The following GPR149 variants were observed in gnomAD, a reference collection of about 807,000 sequenced individuals.
The protein encoded by GPR149 is probable G protein-coupled receptor 149.
Under a neutral mutation model 50.2 loss-of-function variants are expected in GPR149, and 50 were observed. The ratio of observed to expected loss-of-function variants is 1.00; its 90% CI spans 0.79 to 1.26. The LOEUF (loss-of-function observed/expected upper bound fraction) is 1.26, where lower values mean the gene tolerates loss of function less well. Ranked by LOEUF, GPR149 falls within the 50% of genes most tolerant of loss-of-function variation. GPR149 has a pLI of 0.00. For missense variants in GPR149, 983 were observed against 895.4 expected, an observed-to-expected ratio of 1.10 and a Z score of -1.25; for synonymous variants, 405 against 358.2, an observed-to-expected ratio of 1.13 and a Z score of -1.48.
chr3:154,367,336 TC>T (rs777111578), intron 3 of GPR149, among the ~76,000 whole-genome samples: 75 of 35,460 alleles, frequency 2.1e-3, no homozygotes, highest in Admixed American at 3.9e-3. Flanking sequence ...CTCTCTCCCT[TC>T]CCCCCCCCGA....
intron 3 of GPR149, among the ~76,000 whole-genome samples, chr3:154,365,341 G>A (rs557198727): frequency 6.6e-5 from 10 of 152,058 alleles, no homozygotes; most frequent in Non-Finnish European, 1.3e-4. Context: ...GGCCTGTGAT[G>A]GGAGTGGCAG....
At chr3:154,413,247 G>T (rs2108424982) in intron 3 of GPR149, among the ~76,000 whole-genome samples, 1 of 152,150 alleles carries the variant, frequency 6.6e-6, no homozygotes, top group African/African-American at 2.4e-5. Flanking sequence ...GTTAGGCAAA[G>T]TCTTAATGAC....
intron 3 of GPR149, among the ~76,000 whole-genome samples, chr3:154,339,423 C>T (rs529846987): frequency 3.1e-4 from 47 of 152,310 alleles, no homozygotes; most frequent in African/African-American, 8.9e-4. Context: ...GTAAAACCTA[C>T]AGTTACTAAC....
intron 3 of GPR149, among the ~76,000 whole-genome samples, chr3:154,408,293 G>A: frequency 6.6e-6 from 1 of 152,138 alleles, no homozygotes; most frequent in East Asian, 1.9e-4. Flanking sequence ...AAGAACTACT[G>A]CAGGAACATA....
intron 3 of GPR149, among the ~76,000 whole-genome samples, chr3:154,390,675 T>G (rs1171641111): frequency 6.6e-6 from 1 of 151,988 alleles, no homozygotes; most frequent in Admixed American, 6.6e-5. Flanking sequence ...AATGAAAACT[T>G]CCCAAATCTA....
chr3:154,343,263 AG>A (rs886235443), intron 3 of GPR149, among the ~76,000 whole-genome samples: 35 of 152,294 alleles, frequency 2.3e-4, no homozygotes, highest in Admixed American at 7.8e-4. Flanking sequence ...TCATAGAAAA[AG>A]GTTTGAGAGG....
chr3:154,409,613 A>G (rs1435532651), intron 3 of GPR149, among the ~76,000 whole-genome samples: 2 of 152,056 alleles, frequency 1.3e-5, no homozygotes, highest in African/African-American at 4.8e-5. Context: ...ATAGAATTGA[A>G]CAAGCAGAAG....
chr3:154,341,132 T>C (rs979380422), intron 3 of GPR149, among the ~76,000 whole-genome samples: 1 of 151,198 alleles, frequency 6.6e-6, no homozygotes, highest in Admixed American at 6.6e-5. Flanking sequence ...ACTGAAACAA[T>C]AGACCCAGGC....
At chr3:154,382,192 G>A (rs539188144) in intron 3 of GPR149, among the ~76,000 whole-genome samples, 1 of 152,314 alleles carries the variant, frequency 6.6e-6, no homozygotes, top group East Asian at 1.9e-4. Flanking sequence ...CATAGCTCAA[G>A]ATTCACCAGT....
chr3:154,408,450 C>G (rs1711752762), intron 3 of GPR149, among the ~76,000 whole-genome samples: 1 of 152,200 alleles, frequency 6.6e-6, no homozygotes, highest in Non-Finnish European at 1.5e-5. Context: ...TGGTCACTGG[C>G]TGCCTGGAAA....
chr3:154,391,034 T>C (rs145728678), intron 3 of GPR149, among the ~76,000 whole-genome samples: 5 of 152,182 alleles, frequency 3.3e-5, no homozygotes, highest in African/African-American at 9.6e-5. Context: ...GAGTTCATCA[T>C]TACCAGACCT....
intron 3 of GPR149, among the ~76,000 whole-genome samples, chr3:154,409,904 AG>A (rs1711788902): frequency 6.6e-6 from 1 of 152,216 alleles, no homozygotes; most frequent in African/African-American, 2.4e-5. Context: ...CACTGCAAAA[AG>A]ATCATCTCCT....
chr3:154,352,200 C>T (rs539512883), intron 3 of GPR149: 626 of 884,966 alleles, frequency 7.1e-4, no homozygotes, highest in Non-Finnish European at 9.1e-4. Flanking sequence ...TCATCTTCTA[C>T]CATCTTGTCG....
At chr3:154,341,683 T>C (rs1348614495) in intron 3 of GPR149, among the ~76,000 whole-genome samples, 7 of 152,082 alleles carry the variant, frequency 4.6e-5, no homozygotes, top group Admixed American at 2.0e-4. Flanking sequence ...TTTAATACAA[T>C]ATTAATAAAA....
chr3:154,386,350 T>A (rs545845136), intron 3 of GPR149, among the ~76,000 whole-genome samples: 44 of 152,342 alleles, frequency 2.9e-4, no homozygotes, highest in African/African-American at 1.1e-3. Flanking sequence ...AATGTCTGTC[T>A]ACCTTTGTTT....
At chr3:154,348,430 A>T (rs1264083546) in intron 3 of GPR149, among the ~76,000 whole-genome samples, 2 of 152,192 alleles carry the variant, frequency 1.3e-5, no homozygotes, top group African/African-American at 4.8e-5. Context: ...TGCAAACATC[A>T]ATCAAAGGGA....
rs1194310422 is a variant in GPR149, at chr3:154,421,296, T to C, written c.1366A>G (p.Ile456Val). Residue 456 changes from isoleucine to valine, a missense_variant, in exon 3 of 4, where the codon ATC (isoleucine) becomes GTC (valine). Coordinates refer to ENST00000389740, the MANE Select transcript of GPR149 (RefSeq NM_001038705.3). ...CTGTCCAGAGAGGGCGTGGTGCTGA[T>C]TTCTACTTTTATAGCATTGAAGATG... The part of the protein sequence containing the change: ...RNIFNAIKVE[I>V]STTPSLDSST... 1 of 1,613,448 alleles carries C rather than the reference T, an allele frequency of 6.2e-7. No individual in the cohort carries two copies. Among genetic ancestry groups the C allele is most frequent in the Admixed American group, 1.7e-5 (1 of 59,928 alleles).
chr3:154,350,992 G>A (rs561226733), intron 3 of GPR149, among the ~76,000 whole-genome samples: 8 of 152,204 alleles, frequency 5.3e-5, no homozygotes, highest in African/African-American at 1.7e-4. Context: ...ATGTCTGTAT[G>A]TGTTTAGTAC....
intron 3 of GPR149, chr3:154,352,563 T>A (rs1714105882): frequency 1.2e-5 from 9 of 775,818 alleles, no homozygotes; most frequent in Non-Finnish European, 1.9e-5. Flanking sequence ...CTGTATTTCC[T>A]CTAGGCTTTC....
Sources: gnomAD v4.1 joint callset for allele counts (sites outside exome capture counted in the v4.1 genomes callset) on GRCh38, gnomAD v4.1.1 for gene constraint, MANE v1.5 for transcripts, NCBI Gene and HGNC (gene_info 2026-07-23, HGNC 2026-07-21) for gene names.